Variants in ESRRG observed in about 807,000 individuals in gnomAD.
The protein encoded by ESRRG is estrogen-related receptor gamma.
ESRRG carries 13 observed loss-of-function variants against 44.0 expected under a neutral mutation model. The ratio of observed to expected loss-of-function variants is 0.30; its 90% CI spans 0.19 to 0.47. The LOEUF is 0.47. ESRRG is among the 20% of genes least tolerant of loss of function. The pLI, the probability that ESRRG is intolerant of heterozygous loss-of-function variation, is 1.00. For synonymous variants in ESRRG, 215 were observed against 214.6 expected (o/e 1.00, Z -0.02); for missense variants, 395 against 580.6 (o/e 0.68, Z 3.29).
intron 1 of ESRRG, among the ~76,000 whole-genome samples, chr1:216,975,125 A>G (rs1309041081): frequency 6.6e-6 from 1 of 152,142 alleles, no homozygotes; most frequent in Non-Finnish European, 1.5e-5. Context: ...TAACGTTGTT[A>G]TTATCTTGGA....
chr1:217,007,491 C>G (rs1212740083), intron 1 of ESRRG, among the ~76,000 whole-genome samples: 3 of 152,168 alleles, frequency 2.0e-5, no homozygotes, highest in Non-Finnish European at 4.4e-5. Context: ...TATCCTCACC[C>G]TCAGCTCAAT....
At chr1:216,850,115 C>G (rs1559862899) in intron 2 of ESRRG, among the ~76,000 whole-genome samples, 1 of 151,992 alleles carries the variant, frequency 6.6e-6, no homozygotes, top group Non-Finnish European at 1.5e-5. Flanking sequence ...AATATTTTTA[C>G]TGAGACTTCA....
intron 2 of ESRRG, among the ~76,000 whole-genome samples, chr1:216,884,028 C>T (rs2096485960): frequency 6.6e-6 from 1 of 152,170 alleles, no homozygotes; most frequent in Non-Finnish European, 1.5e-5. Context: ...GTTCCAGTGT[C>T]TTTATAAATC....
At chr1:216,601,339 TCCGGAGCCGACG>T in intron 3 of ESRRG, among the ~76,000 whole-genome samples, 1 of 152,068 alleles carries the variant, frequency 6.6e-6, no homozygotes, top group South Asian at 2.1e-4. Context: ...GCTGCGCGCG[TCCGGAGCCGACG>T]CCGGGCTTCA....
At chr1:217,011,414 G>A (rs942166440) in intron 1 of ESRRG, among the ~76,000 whole-genome samples, 1 of 152,212 alleles carries the variant, frequency 6.6e-6, no homozygotes, top group African/African-American at 2.4e-5. Flanking sequence ...TGGTGACTTG[G>A]TAAACTGTGA....
intron 1 of ESRRG, among the ~76,000 whole-genome samples, chr1:216,958,985 C>G (rs948284670): frequency 6.6e-6 from 1 of 152,088 alleles, no homozygotes; most frequent in Non-Finnish European, 1.5e-5. Flanking sequence ...TTATTTTTCC[C>G]GTAACACTTA....
chr1:216,984,867 T>A (rs77811528), intron 1 of ESRRG, among the ~76,000 whole-genome samples: 1 of 152,338 alleles, frequency 6.6e-6, no homozygotes, highest in African/African-American at 2.4e-5. Context: ...CATTAACACA[T>A]ATATGTAGCT....
intron 2 of ESRRG, among the ~76,000 whole-genome samples, chr1:216,857,872 T>G (rs1225235672): frequency 6.6e-6 from 1 of 152,166 alleles, no homozygotes; most frequent in Non-Finnish European, 1.5e-5. Flanking sequence ...AGTTCACTAA[T>G]TTTGTTAAAA....
chr1:216,633,909 A>G (rs2064756444), intron 3 of ESRRG, among the ~76,000 whole-genome samples: 1 of 152,194 alleles, frequency 6.6e-6, no homozygotes, highest in Non-Finnish European at 1.5e-5. Context: ...AGTTTTCCAG[A>G]ATTTCTCTCA....
chr1:216,708,938 C>T (rs2082992909), intron 1 of ESRRG, among the ~76,000 whole-genome samples: 1 of 152,064 alleles, frequency 6.6e-6, no homozygotes, highest in African/African-American at 2.4e-5. Context: ...AGCTGGAAAC[C>T]ATCATTCTCA....
intron 6 of ESRRG, among the ~76,000 whole-genome samples, chr1:216,509,881 A>C (rs2042217674): frequency 6.6e-6 from 1 of 152,186 alleles, no homozygotes; most frequent in Non-Finnish European, 1.5e-5. Flanking sequence ...TCCTAGTTCA[A>C]GTTCTGGATC....
intron 2 of ESRRG, among the ~76,000 whole-genome samples, chr1:216,750,657 T>A (rs537873491): frequency 2.0e-5 from 3 of 152,220 alleles, no homozygotes; most frequent in Non-Finnish European, 4.4e-5. Flanking sequence ...TCCAGTGGCA[T>A]GTATTTATCA....
chr1:216,937,841 C>T (rs1263868849), intron 2 of ESRRG, among the ~76,000 whole-genome samples: 1 of 152,090 alleles, frequency 6.6e-6, no homozygotes, highest in Non-Finnish European at 1.5e-5. Context: ...CACTTTTACA[C>T]ACATGCATAA....
intron 1 of ESRRG, among the ~76,000 whole-genome samples, chr1:217,000,094 A>C (rs1209050611): frequency 6.6e-6 from 1 of 152,204 alleles, no homozygotes; most frequent in East Asian, 1.9e-4. Context: ...AAGATTTTTT[A>C]CATGTAAAAT....
chr1:216,726,602 A>G (rs576591169), upstream of ESRRG, among the ~76,000 whole-genome samples: 2 of 152,308 alleles, frequency 1.3e-5, no homozygotes, highest in East Asian at 3.9e-4. Flanking sequence ...TATACACTTC[A>G]CAATCTTACC....
intron 1 of ESRRG, among the ~76,000 whole-genome samples, chr1:216,969,416 A>G (rs960386657): frequency 6.6e-6 from 1 of 151,876 alleles, no homozygotes; most frequent in African/African-American, 2.4e-5. Context: ...ATTGAAAAAA[A>G]ACATAGAAAA....
At chr1:216,799,537 C>T (rs1388653970) in intron 2 of ESRRG, among the ~76,000 whole-genome samples, 1 of 151,872 alleles carries the variant, frequency 6.6e-6, no homozygotes, top group African/African-American at 2.4e-5. Flanking sequence ...TTAATCCATA[C>T]AAAAGAAGAC....
chr1:217,032,560 T>G (rs1349417608), intron 1 of ESRRG, among the ~76,000 whole-genome samples: 1 of 152,344 alleles, frequency 6.6e-6, no homozygotes, highest in East Asian at 1.9e-4. Context: ...GAACTCAACA[T>G]GATCCAGCTT....
chr1:216,715,597 A>T (rs983140419), intron 1 of ESRRG, among the ~76,000 whole-genome samples: 1 of 151,828 alleles, frequency 6.6e-6, no homozygotes, highest in Non-Finnish European at 1.5e-5. Context: ...CTCACAGTTT[A>T]TTTTTTTTCT....
Sources: allele counts gnomAD v4.1 joint callset (sites outside exome capture counted in the v4.1 genomes callset), GRCh38; gene constraint gnomAD v4.1.1; transcripts MANE v1.5; gene names NCBI Gene and HGNC (gene_info 2026-07-23, HGNC 2026-07-21).